TDRD15: variants seen among roughly 807,000 people sequenced by gnomAD.
TDRD15 encodes the protein tudor domain-containing protein 15.
For missense variants in TDRD15, 1,416 were observed against 904.7 expected, an observed-to-expected ratio of 1.57 and a Z score of -7.25; for synonymous variants, 503 against 314.5, an observed-to-expected ratio of 1.60 and a Z score of -6.34.
chr2:21,130,305 C>T (rs1463260144), intron 2 of TDRD15, among the ~76,000 whole-genome samples: 1 of 152,186 alleles, frequency 6.6e-6, no homozygotes, highest in Non-Finnish European at 1.5e-5. Context: ...TTGATAAACT[C>T]ATTGTAAATT....
chr2:21,145,345 A>G (rs17399838), downstream of TDRD15, among the ~76,000 whole-genome samples: 15,755 of 152,078 alleles, frequency 0.1, 1,100 homozygotes, highest in Non-Finnish European at 0.14. Flanking sequence ...AGTTTCCTGT[A>G]AACTATTGGC....
At chr2:21,137,208 G>A (rs550845345) in intron 3 of TDRD15, among the ~76,000 whole-genome samples, 2 of 152,112 alleles carry the variant, frequency 1.3e-5, no homozygotes, top group South Asian at 2.1e-4. Flanking sequence ...CTGTTTTCCA[G>A]TGATGGTATT....
chr2:21,138,331 G>A lies in TDRD15; in HGVS notation c.864G>A (p.Thr288=), dbSNP rs566716223. The A allele has an allele frequency of 1.2e-4, 88 of 716,524 alleles. No homozygotes were observed. Among genetic ancestry groups the A allele is most frequent in the Middle Eastern group, 1.1e-3 (5 of 4,364 alleles). 44.4% of individuals were successfully genotyped at this position (716,524 alleles called of 1,614,324 possible). ...CCGTCTGTCAAGAAACTAGTCCCACGTGTGATAATTTTGGACTGCTTTGTG... is the reference window on the plus strand; with the variant it reads ...CCGTCTGTCAAGAAACTAGTCCCACATGTGATAATTTTGGACTGCTTTGTG... ...YDTVCQETSP[T]CDNFGLLCVA... Residue 288 remains threonine (T), a synonymous_variant, in exon 4 of 4, where the codon ACG becomes ACA. Coordinates refer to ENST00000405799, the MANE Select transcript of TDRD15 (RefSeq NM_001306137.2).
rs1410598198 is a variant in TDRD15, at chr2:21,141,855, T to A, written c.4388T>A (p.Ile1463Asn). 8.4e-6 allele frequency: 6 copies of A among 715,190 alleles called. No individual in the cohort carries two copies. Among genetic ancestry groups the A allele is most frequent in the Non-Finnish European group, 7.8e-6 (3 of 383,652 alleles). The allele number at this position is 715,190 out of a possible 1,614,324, so 44.3% of individuals were successfully genotyped here. A position where few individuals can be genotyped will look rare whatever the true frequency, so the allele number is the denominator to read the frequency against. Residue 1463 changes from isoleucine to asparagine, a missense_variant, in exon 4 of 4, where the codon ATT becomes AAT. Physicochemically the swap from Ile to Asn is moderately radical, Grantham distance 149. Coordinates refer to ENST00000405799, the MANE Select transcript of TDRD15 (RefSeq NM_001306137.2). ...VNMICDEKCVINELLKWKACS... is the reference protein window; with the variant it reads ...VNMICDEKCVNNELLKWKACS... ...ATGATTTGTGATGAAAAATGTGTCA[T>A]TAATGAACTACTGAAATGGAAAGCA...
In TDRD15 at chr2:21,130,111, A is replaced by C. The variant is rs141473270; in HGVS notation, c.-90+2400A>C. Among the ~76,000 whole-genome samples, 34 of 152,348 alleles carry C rather than the reference A, an allele frequency of 2.2e-4. 1 individual carries two copies. The highest frequency in any genetic ancestry group is 1.8e-3 in the Admixed American group (28 of 15,308). The stretch of plus-strand genomic sequence containing the variant: ...CCTATTCACCCCTATTAAATGTCCC[A>C]CATCTCAATGATTAAGTTGCAATGT... On this transcript the variant is annotated intron_variant, in intron 2 of 3. Coordinates refer to ENST00000405799, the MANE Select transcript of TDRD15 (RefSeq NM_001306137.2).
chr2:21,128,293 T>G (rs936209791), intron 2 of TDRD15, among the ~76,000 whole-genome samples: 1 of 152,038 alleles, frequency 6.6e-6, no homozygotes, highest in African/African-American at 2.4e-5. Flanking sequence ...GTTATGGTTT[T>G]TTTTTTAAAT....
chr2:21,125,429 G>GGTGTGTGT (rs77767650), intron 1 of TDRD15, among the ~76,000 whole-genome samples: 6 of 147,238 alleles, frequency 4.1e-5, no homozygotes, highest in Non-Finnish European at 9.0e-5. Context: ...CGAATGCCAG[G>GGTGTGTGT]GTGTGTGTGT....
At chr2:21,134,324 A>T (rs1278454331) in intron 2 of TDRD15, among the ~76,000 whole-genome samples, 1 of 151,934 alleles carries the variant, frequency 6.6e-6, no homozygotes, top group Non-Finnish European at 1.5e-5. Context: ...TATATAAAAC[A>T]TTCAAATATT....
chr2:21,141,867 T>C lies in TDRD15; in HGVS notation c.4400T>C (p.Leu1467Pro). ...CDEKCVINEL[L>P]KWKACSKLQK... ...GAAAAATGTGTCATTAATGAACTAC[T>C]GAAATGGAAAGCATGTTCAAAACTG... The change falls in exon 4 of 4, where the codon CTG becomes CCG. Residue 1467 changes from leucine (L) to proline (P), a missense_variant. Leu to Pro is a moderately conservative substitution (Grantham distance 98, BLOSUM62 -3). Transcript: ENST00000405799. 2 of 715,406 alleles carry C rather than the reference T, an allele frequency of 2.8e-6. No homozygotes were observed. Among genetic ancestry groups the C allele is most frequent in the Non-Finnish European group, 5.2e-6 (2 of 383,682 alleles). The allele number at this position is 715,406 out of a possible 1,614,324, so 44.3% of individuals were successfully genotyped here.
chr2:21,129,659 C>G (rs1665679838), intron 2 of TDRD15, among the ~76,000 whole-genome samples: 2 of 152,108 alleles, frequency 1.3e-5, no homozygotes, highest in Non-Finnish European at 2.9e-5. Flanking sequence ...TGACTTTTCA[C>G]TTTTCTGATG....
In TDRD15 at chr2:21,140,997, A is replaced by G. The variant is rs539640670; in HGVS notation, c.3530A>G (p.Tyr1177Cys). 2.8e-6 allele frequency: 2 copies of G among 714,056 alleles called. No homozygotes were observed. The highest frequency in any genetic ancestry group is 2.6e-6 in the Non-Finnish European group (1 of 383,422). The allele number at this position is 714,056 out of a possible 1,614,324, so 44.2% of individuals were successfully genotyped here. ...TSLKGKTGNNYRHNVINKPSP... is the reference protein window; with the variant it reads ...TSLKGKTGNNCRHNVINKPSP... ...TTGAAAGGCAAAACAGGAAACAACT[A>G]TCGCCATAATGTGATAAATAAACCT... Residue 1177 changes from tyrosine (Y) to cysteine (C), a missense_variant, in exon 4 of 4, where the codon TAT (tyrosine) becomes TGT (cysteine). Tyr to Cys is a radical substitution (Grantham distance 194). Transcript: ENST00000405799.
chr2:21,141,870 A>T lies in TDRD15; in HGVS notation c.4403A>T (p.Lys1468Ile), dbSNP rs1039406595. 1 of 715,392 alleles carries T rather than the reference A, an allele frequency of 1.4e-6. No individual in the cohort carries two copies. The highest frequency in any genetic ancestry group is 2.6e-6 in the Non-Finnish European group (1 of 383,680). The allele number at this position is 715,392 out of a possible 1,614,324, so 44.3% of individuals were successfully genotyped here. Residue 1468 changes from lysine to isoleucine, a missense_variant, in exon 4 of 4, where the codon AAA (lysine) becomes ATA (isoleucine). By Grantham distance (102) the Lys-to-Ile change is moderately radical. Transcript: ENST00000405799. ...AAATGTGTCATTAATGAACTACTGA[A>T]ATGGAAAGCATGTTCAAAACTGCAG... Reference protein sequence around the residue: ...DEKCVINELLKWKACSKLQKS... With the variant: ...DEKCVINELLIWKACSKLQKS...
At chr2:21,135,169 A>G (rs1665785921) in intron 3 of TDRD15, among the ~76,000 whole-genome samples, 1 of 146,508 alleles carries the variant, frequency 6.8e-6, no homozygotes, top group Non-Finnish European at 1.5e-5. Context: ...TATATAAGAT[A>G]TAATAAAAAG....
chr2:21,137,317 C>A (rs1196845246), intron 3 of TDRD15, 148 bp from the exon 4 acceptor site: 4 of 417,270 alleles, frequency 9.6e-6, no homozygotes, highest in African/African-American at 8.3e-5. Context: ...ACCAGCGTCT[C>A]ATTCGATATG....
chr2:21,135,151 A>C (rs1252280629), intron 3 of TDRD15, among the ~76,000 whole-genome samples: 1 of 146,630 alleles, frequency 6.8e-6, no homozygotes, highest in Non-Finnish European at 1.5e-5. Flanking sequence ...TTTATATAAT[A>C]TATTTTATAT....
In TDRD15 at chr2:21,124,412, TGTGA is replaced by T. The variant is rs140612440; in HGVS notation, c.-201+370_-201+373del. The stretch of plus-strand genomic sequence containing the variant: ...ACACAGTGATCCTAATGCCAGGGTG[TGTGA>T]GTGTGAGAGAAACCCTAATGTCAGG... On this transcript the variant is annotated intron_variant, in intron 1 of 3. Transcript: ENST00000405799. 9.1e-3 allele frequency among the ~76,000 whole-genome samples: 1,368 copies of T among 150,888 alleles called. 21 individuals are homozygous for T. Among genetic ancestry groups the T allele is most frequent in the African/African-American group, 0.03 (1,233 of 40,924 alleles).
downstream of TDRD15, among the ~76,000 whole-genome samples, chr2:21,144,815 A>C (rs1245434764): frequency 6.7e-6 from 1 of 149,460 alleles, no homozygotes; most frequent in African/African-American, 2.4e-5. Flanking sequence ...AATAAAACCA[A>C]AAACAATATT....
downstream of TDRD15, among the ~76,000 whole-genome samples, chr2:21,147,224 A>G (rs1448854204): frequency 6.6e-6 from 1 of 151,922 alleles, no homozygotes; most frequent in East Asian, 1.9e-4. Context: ...AGGTGAATAC[A>G]CACAGATGTA....
chr2:21,129,211 T>A (rs2103436539), intron 2 of TDRD15, among the ~76,000 whole-genome samples: 1 of 152,316 alleles, frequency 6.6e-6, no homozygotes, highest in South Asian at 2.1e-4. Flanking sequence ...CCTGTCCAAA[T>A]TTTTGTGTGG....
Sources: gnomAD v4.1 joint callset for allele counts (sites outside exome capture counted in the v4.1 genomes callset) on GRCh38, gnomAD v4.1.1 for gene constraint, MANE v1.5 for transcripts, NCBI Gene and HGNC (gene_info 2026-07-23, HGNC 2026-07-21) for gene names.